Variants in ZBTB20 observed in about 807,000 individuals in gnomAD.
ZBTB20 encodes zinc finger and BTB domain-containing protein 20.
ZBTB20 carries 9 observed loss-of-function variants against 56.9 expected under a neutral mutation model. The observed-to-expected ratio is 0.16, with a 90% confidence interval of 0.10 to 0.28. The LOEUF is 0.28. Ranked by LOEUF, ZBTB20 falls within the 10% of genes least tolerant of loss-of-function variation. ZBTB20 has a pLI of 1.00. For missense variants in ZBTB20, 655 were observed against 1,003.0 expected (o/e 0.65, Z 4.69); for synonymous variants, 417 against 420.7 (o/e 0.99, Z 0.11).
chr3:114,739,525 G>T (rs1374963412), intron 5 of ZBTB20, among the ~76,000 whole-genome samples: 2 of 152,158 alleles, frequency 1.3e-5, no homozygotes, highest in African/African-American at 4.8e-5. Context: ...AAACTTTGAG[G>T]CTGTGACATC....
intron 2 of ZBTB20, among the ~76,000 whole-genome samples, chr3:115,022,359 C>G (rs2080240365): frequency 6.6e-6 from 1 of 150,780 alleles, no homozygotes; most frequent in African/African-American, 2.4e-5. Flanking sequence ...AAAGTAGTTG[C>G]CTTGGGAGAC....
At chr3:114,666,210 G>A (rs770523461) in intron 6 of ZBTB20, among the ~76,000 whole-genome samples, 3 of 151,868 alleles carry the variant, frequency 2.0e-5, no homozygotes, top group African/African-American at 2.4e-5. Flanking sequence ...TCTTAGTAGC[G>A]GTAGTAGTGC....
chr3:114,479,071 G>T (rs1449463208), intron 7 of ZBTB20, among the ~76,000 whole-genome samples: 1 of 149,840 alleles, frequency 6.7e-6, no homozygotes, highest in African/African-American at 2.5e-5. Flanking sequence ...TCTATTGGGG[G>T]GGGGCCACAG....
chr3:114,843,646 G>A (rs2074497441), intron 4 of ZBTB20, among the ~76,000 whole-genome samples: 1 of 152,090 alleles, frequency 6.6e-6, no homozygotes. Flanking sequence ...TGGGATTACA[G>A]GCATAAGCCC....
At chr3:114,558,980 C>A (rs1051453998) in intron 6 of ZBTB20, among the ~76,000 whole-genome samples, 12 of 152,138 alleles carry the variant, frequency 7.9e-5, no homozygotes, top group Admixed American at 5.9e-4. Context: ...CAAATGCCAT[C>A]TCCTTACATG....
At chr3:115,060,721 T>C (rs2081982594) in intron 2 of ZBTB20, among the ~76,000 whole-genome samples, 1 of 152,280 alleles carries the variant, frequency 6.6e-6, no homozygotes, top group Non-Finnish European at 1.5e-5. Context: ...TCTCCCTAAA[T>C]CTACTGCCAT....
chr3:114,433,412 T>G (rs1382423503), intron 7 of ZBTB20, among the ~76,000 whole-genome samples: 1 of 152,174 alleles, frequency 6.6e-6, no homozygotes, highest in Non-Finnish European at 1.5e-5. Context: ...TATGTGCAAA[T>G]GTCAAGAGTG....
At chr3:114,454,633 T>C (rs2091892721) in intron 7 of ZBTB20, 1 of 151,858 alleles carries the variant, frequency 6.6e-6, no homozygotes. Context: ...CAGGGAACTG[T>C]TTCCTTCCAA....
chr3:114,888,299 T>G (rs969464172), intron 4 of ZBTB20, among the ~76,000 whole-genome samples: 5 of 151,924 alleles, frequency 3.3e-5, no homozygotes, highest in African/African-American at 1.2e-4. Flanking sequence ...GGTGCACACC[T>G]GTAGTCCCAG....
chr3:114,460,835 A>C (rs1399483812), intron 7 of ZBTB20, among the ~76,000 whole-genome samples: 1 of 152,220 alleles, frequency 6.6e-6, no homozygotes, highest in Non-Finnish European at 1.5e-5. Context: ...TTATTTTAGC[A>C]GATATATTAC....
At chr3:115,139,178 A>T (rs1560601887) in intron 1 of ZBTB20, among the ~76,000 whole-genome samples, 1 of 152,068 alleles carries the variant, frequency 6.6e-6, no homozygotes, top group Non-Finnish European at 1.5e-5. Flanking sequence ...TACCAGGAAC[A>T]TCTGGAGCTG....
chr3:114,523,690 G>A (rs566100290), intron 6 of ZBTB20, among the ~76,000 whole-genome samples: 27 of 152,234 alleles, frequency 1.8e-4, no homozygotes, highest in African/African-American at 6.3e-4. Context: ...AGATAAATAT[G>A]GGAGGGTAGG....
chr3:115,103,733 A>C (rs1414420596), intron 1 of ZBTB20, among the ~76,000 whole-genome samples: 1 of 152,218 alleles, frequency 6.6e-6, no homozygotes, highest in Non-Finnish European at 1.5e-5. Context: ...TAAATGTAAA[A>C]TGCAAAATTC....
At chr3:114,803,146 T>C (rs2071845910) in intron 4 of ZBTB20, among the ~76,000 whole-genome samples, 1 of 151,338 alleles carries the variant, frequency 6.6e-6, no homozygotes, top group Admixed American at 6.6e-5. Context: ...TTTTTTTTTT[T>C]CTCTTGGTGA....
At chr3:114,566,731 T>C (rs930123389) in intron 6 of ZBTB20, among the ~76,000 whole-genome samples, 1 of 152,220 alleles carries the variant, frequency 6.6e-6, no homozygotes, top group African/African-American at 2.4e-5. Context: ...TGTTCTTCAA[T>C]CACACAGTTC....
intron 2 of ZBTB20, among the ~76,000 whole-genome samples, chr3:115,020,109 A>T (rs752360095): frequency 2.6e-5 from 4 of 151,204 alleles, no homozygotes; most frequent in Non-Finnish European, 4.5e-5. Flanking sequence ...AACTCTGCGT[A>T]GGATTAGTTG....
intron 3 of ZBTB20, among the ~76,000 whole-genome samples, chr3:114,919,293 A>G (rs182399530): frequency 4.6e-5 from 7 of 152,324 alleles, no homozygotes; most frequent in Non-Finnish European, 1.0e-4. Context: ...TGTGTTATAT[A>G]TGCCTCAAGG....
chr3:114,596,494 G>T (rs1026722120), intron 6 of ZBTB20, among the ~76,000 whole-genome samples: 5 of 152,148 alleles, frequency 3.3e-5, no homozygotes, highest in African/African-American at 1.2e-4. Flanking sequence ...ACCAAGTGTT[G>T]CCAGTTGTGA....
intron 5 of ZBTB20, among the ~76,000 whole-genome samples, chr3:114,783,853 A>T (rs529818639): frequency 2.6e-5 from 4 of 152,188 alleles, no homozygotes; most frequent in Non-Finnish European, 5.9e-5. Flanking sequence ...AAACTGAAAA[A>T]AATATGCTTA....
Sources: gnomAD v4.1 joint callset for allele counts (sites outside exome capture counted in the v4.1 genomes callset) on GRCh38, gnomAD v4.1.1 for gene constraint, MANE v1.5 for transcripts, NCBI Gene and HGNC (gene_info 2026-07-23, HGNC 2026-07-21) for gene names.